ZBTB7A: variants seen among roughly 807,000 people sequenced by gnomAD.
ZBTB7A encodes the protein zinc finger and BTB domain containing 7A, also known as zinc finger and BTB domain-containing protein 7A.
A neutral mutation model predicts 26.7 loss-of-function variants in ZBTB7A; 7 were observed. The ratio of observed to expected loss-of-function variants is 0.26; its 90% CI spans 0.15 to 0.49. The LOEUF is 0.49. Ranked by LOEUF, ZBTB7A falls within the 20% of genes least tolerant of loss-of-function variation. The pLI is 0.98. For missense variants in ZBTB7A, 617 were observed against 919.5 expected (o/e 0.67, Z 4.25); for synonymous variants, 452 against 441.0 (o/e 1.02, Z -0.31).
intron 2 of ZBTB7A, among the ~76,000 whole-genome samples, chr19:4,050,185 C>A (rs538271700): frequency 5.6e-4 from 85 of 151,898 alleles, no homozygotes; most frequent in Non-Finnish European, 2.2e-4. Flanking sequence ...TCGGCCTCCC[C>A]AAACGCTGGG....
intron 1 of ZBTB7A, chr19:4,055,556 C>T: frequency 3.5e-6 from 3 of 850,698 alleles, no homozygotes; most frequent in Non-Finnish European, 4.2e-6. Flanking sequence ...GGCGCGGTGG[C>T]TCACGCCTGT....
rs1163895033 is a variant in ZBTB7A, at chr19:4,054,912, G to T, written c.321C>A (p.Ile107=). Residue 107 remains isoleucine (I), a synonymous_variant, in exon 2 of 3, where the codon ATC becomes ATA. Transcript: ENST00000322357. ...TCTCCAGCAGGCGGGCGGCGCTGAG[G>T]ATGTCACCCACGTTGGCTGTGCTGA... The part of the protein sequence containing the change: ...LTVSTANVGD[I]LSAARLLEIP... 1 of 1,610,498 alleles carries T rather than the reference G, an allele frequency of 6.2e-7. No individual in the cohort carries two copies. Among genetic ancestry groups the T allele is most frequent in the Non-Finnish European group, 8.5e-7 (1 of 1,179,204 alleles).
In ZBTB7A at chr19:4,063,225, G is replaced by A. The variant is rs556017174; in HGVS notation, c.-16+3457C>T. Among the ~76,000 whole-genome samples the A allele has an allele frequency of 2.0e-5, 3 of 152,276 alleles. No homozygotes were observed. In the East Asian group the frequency reaches 5.8e-4, roughly 29 times the overall value. ...ACGGGTGGCTTTGCAGGCAGCAGCT[G>A]GGGGACCCTCCACAGCCCCAGGAAC... On this transcript the variant is annotated intron_variant, in intron 1 of 2. Transcript: ENST00000322357.
Position 4,045,617 on chromosome 19 carries a change from TG to T in ZBTB7A, c.*2134del, listed in dbSNP as rs992654371. The T allele has an allele frequency of 8.2e-5, 17 of 207,792 alleles. No homozygotes were observed. The highest frequency in any genetic ancestry group is 3.9e-4 in the South Asian group (1 of 2,582). The allele number at this position is 207,792 out of a possible 1,614,324, so 12.9% of individuals were successfully genotyped here. On this transcript the variant is annotated 3_prime_UTR_variant, in exon 3 of 3. Transcript: ENST00000322357. The surrounding 1 kb of genome is among the most constrained non-coding windows in gnomAD (Gnocchi z 4.1). The stretch of plus-strand genomic sequence containing the variant: ...TGTGTGTGTCACAGAGAAGGGGGTA[TG>T]GGGGGGTCGGGGGCAGGGAGACACC...
rs1002756861 is a variant in ZBTB7A at position 4,054,226 on chromosome 19, TCCCCCGCCGCGG to T, written c.995_1006del (p.Ala332_Gly335del). Reference sequence around the variant, plus strand: ...GTCGGCCCGCGACTCCTCGTCGCTGTCCCCCGCCGCGGCCCCCGCCCGGCCCACCGATGACAT... The same window carrying T: ...GTCGGCCCGCGACTCCTCGTCGCTGTCCCCCGCCCGGCCCACCGATGACAT... On this transcript the variant is annotated inframe_deletion, in exon 2 of 3. Coordinates refer to ENST00000322357, the MANE Select transcript of ZBTB7A (RefSeq NM_015898.4). 7.0e-6 allele frequency: 11 copies of T among 1,582,446 alleles called. No individual in the cohort carries two copies. Among genetic ancestry groups the T allele is most frequent in the East Asian group, 2.2e-5 (1 of 44,490 alleles).
intron 1 of ZBTB7A, among the ~76,000 whole-genome samples, chr19:4,059,940 C>T (rs1599261053): frequency 6.6e-6 from 1 of 152,210 alleles, no homozygotes; most frequent in East Asian, 1.9e-4. Context: ...ACGGTACACG[C>T]CTCCGGAGGT....
intron 1 of ZBTB7A, among the ~76,000 whole-genome samples, chr19:4,060,211 A>G (rs1168078234): frequency 2.0e-5 from 3 of 152,096 alleles, no homozygotes; most frequent in Non-Finnish European, 4.4e-5. Context: ...CAGGCCCCTA[A>G]GCCCAACCCT....
Position 4,052,993 on chromosome 19 carries a change from C to T in ZBTB7A, c.1262+978G>A, listed in dbSNP as rs2040520073. 6.6e-6 allele frequency among the ~76,000 whole-genome samples: 1 copy of T among 152,190 alleles called. No individual in the cohort carries two copies. The highest frequency in any genetic ancestry group is 1.5e-5 in the Non-Finnish European group (1 of 68,038). On this transcript the variant is annotated intron_variant, in intron 2 of 2. Coordinates refer to ENST00000322357, the MANE Select transcript of ZBTB7A (RefSeq NM_015898.4). This position sits in a 1 kb window ranked among gnomAD's most constrained non-coding sequence, Gnocchi z 4.9. Reference sequence around the variant, plus strand: ...CCAGCAGACGCTTCATAAATGTTGGCTGATTGAAGCAAATGACCCAGGCTC... The same window carrying T: ...CCAGCAGACGCTTCATAAATGTTGGTTGATTGAAGCAAATGACCCAGGCTC...
chr19:4,050,481 T>C (rs1329974873), intron 2 of ZBTB7A, among the ~76,000 whole-genome samples: 3 of 152,128 alleles, frequency 2.0e-5, no homozygotes, highest in African/African-American at 7.2e-5. Context: ...TCTCGCCCCA[T>C]GGGGGCAGCG....
intron 1 of ZBTB7A, among the ~76,000 whole-genome samples, chr19:4,056,859 T>TC (rs2040584864): frequency 6.8e-6 from 1 of 147,862 alleles, no homozygotes; most frequent in African/African-American, 2.5e-5. Context: ...AGAGCGAGAC[T>TC]CCGTCTTAAA....
At chr19:4,060,618 C>G (rs981456096) in intron 1 of ZBTB7A, among the ~76,000 whole-genome samples, 1 of 152,180 alleles carries the variant, frequency 6.6e-6, no homozygotes, top group Non-Finnish European at 1.5e-5. Flanking sequence ...CAGATGTCGC[C>G]TAGGAAGGAC....
intron 1 of ZBTB7A, among the ~76,000 whole-genome samples, chr19:4,055,911 C>T (rs566151070): frequency 2.0e-5 from 3 of 152,320 alleles, no homozygotes; most frequent in African/African-American, 7.2e-5. Flanking sequence ...GCATGAACCA[C>T]GGCACCCGGC....
chr19:4,053,687 G>A (rs567987182), intron 2 of ZBTB7A, among the ~76,000 whole-genome samples: 10 of 151,282 alleles, frequency 6.6e-5, no homozygotes, highest in East Asian at 3.9e-4. Context: ...GTGCGTGTGC[G>A]TGTGTGCGTC....
At chr19:4,060,390 G>A (rs1011124822) in intron 1 of ZBTB7A, among the ~76,000 whole-genome samples, 3 of 152,304 alleles carry the variant, frequency 2.0e-5, no homozygotes, top group South Asian at 2.1e-4. Flanking sequence ...AGTGTTTGTC[G>A]AGAGCCACGG....
rs758624320 is a variant in ZBTB7A, at chr19:4,047,833, T to A, written c.1674A>T (p.Val558=). Residue 558 remains valine (V), a synonymous_variant, in exon 3 of 3, where the codon GTA becomes GTT. Coordinates refer to ENST00000322357, the MANE Select transcript of ZBTB7A (RefSeq NM_015898.4). ...ASPDGLGRLN[V]AGAGGGGDSG... The stretch of plus-strand genomic sequence containing the variant: ...TGTCACCTCCTCCACCGGCGCCCGC[T>A]ACATTCAACCGGCCCAAGCCGTCGG... The A allele has an allele frequency of 1.2e-5, 19 of 1,604,944 alleles. No individual in the cohort carries two copies. Among genetic ancestry groups the A allele is most frequent in the Non-Finnish European group, 1.5e-5 (18 of 1,176,324 alleles).
intron 1 of ZBTB7A, among the ~76,000 whole-genome samples, chr19:4,064,760 TGGCAGG>T (rs1468831025): frequency 1.3e-5 from 2 of 151,632 alleles, no homozygotes; most frequent in Non-Finnish European, 2.9e-5. Context: ...GTGCCGCGGG[TGGCAGG>T]GGCACCAGCA....
Position 4,048,288 on chromosome 19 carries a change from A to T in ZBTB7A, c.1263-44T>A, listed in dbSNP as rs374870281. ...GCGGGCACGGTCAGTGGGGCCGGGG[A>T]CCCCCGATCCCCGCCCAGGGACCCT... On this transcript the variant is annotated intron_variant, in intron 2 of 2. Coordinates refer to ENST00000322357, the MANE Select transcript of ZBTB7A (RefSeq NM_015898.4). This position sits in a 1 kb window ranked among gnomAD's most constrained non-coding sequence, Gnocchi z 6.7. The T allele has an allele frequency of 2.8e-5, 42 of 1,516,426 alleles. No individual in the cohort carries two copies. The African/African-American group carries it at 5.6e-4, about 20-fold the overall frequency. 93.9% of individuals were successfully genotyped at this position (1,516,426 alleles called of 1,614,324 possible). A position where few individuals can be genotyped will look rare whatever the true frequency, so the allele number is the denominator to read the frequency against.
At chr19:4,053,770 G>A (rs2040534031) in intron 2 of ZBTB7A, among the ~76,000 whole-genome samples, 1 of 151,548 alleles carries the variant, frequency 6.6e-6, no homozygotes, top group African/African-American at 2.4e-5. Flanking sequence ...GTGCAAGTGC[G>A]TGTATGTGTG....
Position 4,043,758 on chromosome 19 carries a change from G to T in ZBTB7A, c.*3994C>A, listed in dbSNP as rs2040376491. 8.9e-6 allele frequency among the ~76,000 whole-genome samples: 1 copy of T among 112,320 alleles called. No individual in the cohort carries two copies. The allele number at this position is 112,320 out of a possible 152,430, so 73.7% of individuals were successfully genotyped here. A position where few individuals can be genotyped will look rare whatever the true frequency, so the allele number is the denominator to read the frequency against. ...CCCCCCGTAAATCTATGTATTTAAT[G>T]CGAGCTAGTCTTAACTCTGAGGTTG... On this transcript the variant is annotated 3_prime_UTR_variant, in exon 3 of 3. Coordinates refer to ENST00000322357, the MANE Select transcript of ZBTB7A (RefSeq NM_015898.4).
Sources: gnomAD v4.1 joint callset for allele counts (sites outside exome capture counted in the v4.1 genomes callset) on GRCh38, gnomAD v4.1.1 for gene constraint, Gnocchi (gnomAD v3.1) non-coding constraint, MANE v1.5 for transcripts, NCBI Gene and HGNC (gene_info 2026-07-23, HGNC 2026-07-21) for gene names.